The following ABCA1 variants were observed in gnomAD, a reference collection of about 807,000 sequenced individuals.
The protein encoded by ABCA1 is phospholipid-transporting ATPase ABCA1.
ABCA1 carries 133 observed loss-of-function variants against 262.5 expected under a neutral mutation model. That is an observed-to-expected ratio of 0.51 (90% CI 0.44 to 0.59). The LOEUF is 0.59. ABCA1 is among the 20% of genes least tolerant of loss of function. The pLI is 0.00. For missense variants in ABCA1, 2,452 were observed against 2,777.5 expected (o/e 0.88, Z 2.63); for synonymous variants, 1,022 against 1,043.5 (o/e 0.98, Z 0.40).
At chr9:104,790,528 T>C (rs1402532524) in intron 44 of ABCA1, among the ~76,000 whole-genome samples, 1 of 152,198 alleles carries the variant, frequency 6.6e-6, no homozygotes, top group African/African-American at 2.4e-5. Context: ...TACAGTATGA[T>C]CTCAATTGTA....
intron 5 of ABCA1, among the ~76,000 whole-genome samples, chr9:104,878,506 T>G (rs1285904626): frequency 6.6e-6 from 1 of 152,026 alleles, no homozygotes; most frequent in South Asian, 2.1e-4. Context: ...AGCAGGGGGG[T>G]TTAGCCGTGA....
intron 25 of ABCA1, among the ~76,000 whole-genome samples, chr9:104,815,289 C>T (rs1807895022): frequency 6.6e-6 from 1 of 152,230 alleles, no homozygotes; most frequent in Non-Finnish European, 1.5e-5. Context: ...GAAATACAGA[C>T]TTCAAGGCCT....
At position 104,831,745 on chromosome 9, in the gene ABCA1, T is replaced by C; in HGVS notation, c.1592A>G (p.Lys531Arg). Residue 531 changes from lysine to arginine, a missense_variant, in exon 13 of 50, where the codon AAG becomes AGG. By Grantham distance (26) the Lys-to-Arg change is conservative. This residue lies in a region of ABCA1 where 1,032 missense variants were observed against 1,089.7 expected (regional missense o/e 0.95). Transcript: ENST00000374736. ...AGTGAACACAATACCAGCCCAGAAC[T>C]TCCTCTCATCCAGCAGCTCCATGGA... ...NKSMELLDER[K>R]FWAGIVFTGI... 2 of 1,614,194 alleles carry C rather than the reference T, an allele frequency of 1.2e-6. No individual in the cohort carries two copies. Among genetic ancestry groups the C allele is most frequent in the Non-Finnish European group, 8.5e-7 (1 of 1,180,030 alleles).
chr9:104,901,267 C>G (rs1588552994), intron 2 of ABCA1, among the ~76,000 whole-genome samples: 1 of 152,202 alleles, frequency 6.6e-6, no homozygotes, highest in African/African-American at 2.4e-5. Flanking sequence ...AGGCTCGGCC[C>G]TAGTCCTGGG....
intron 8 of ABCA1, among the ~76,000 whole-genome samples, chr9:104,842,420 A>G (rs2119041535): frequency 6.6e-6 from 1 of 151,894 alleles, no homozygotes; most frequent in East Asian, 1.9e-4. Flanking sequence ...CCACCAACCC[A>G]CCACTCCCCA....
chr9:104,874,040 A>G (rs1837878962), intron 5 of ABCA1, among the ~76,000 whole-genome samples: 1 of 152,164 alleles, frequency 6.6e-6, no homozygotes, highest in Admixed American at 6.5e-5. Context: ...CTATCTTGCC[A>G]TGTCACCAAA....
In ABCA1 at chr9:104,832,751, G is replaced by T. The variant is rs141524140; in HGVS notation, c.1332C>A (p.Asp444Glu). ...DLVRMLLDSR[D>E]NDHFWEQQLD... The stretch of plus-strand genomic sequence containing the variant: ...ACTGCTGTTCCCAAAAGTGGTCATT[G>T]TCCCTGCTGTCCAACAGCATCTGCC... The change falls in exon 12 of 50, where the codon GAC becomes GAA. Residue 444 changes from aspartate (D) to glutamate (E), a missense_variant. Transcript: ENST00000374736. 3 of 1,614,194 alleles carry T rather than the reference G, an allele frequency of 1.9e-6. No homozygotes were observed. The highest frequency in any genetic ancestry group is 2.7e-5 in the African/African-American group (2 of 75,034).
rs1836693014 is a variant in ABCA1, at chr9:104,862,686, G to GGCAGGGCAGC, written c.422-887_422-886insGCTGCCCTGC. Among the ~76,000 whole-genome samples the GGCAGGGCAGC allele has an allele frequency of 4.2e-3, 6 of 1,426 alleles. 2 individuals are homozygous for GGCAGGGCAGC. Among genetic ancestry groups the GGCAGGGCAGC allele is most frequent in the African/African-American group, 1.0e-2 (6 of 602 alleles). 0.9% of individuals were successfully genotyped at this position (1,426 alleles called of 152,430 possible). A position where few individuals can be genotyped will look rare whatever the true frequency, so the allele number is the denominator to read the frequency against. On this transcript the variant is annotated intron_variant, in intron 5 of 49. Transcript: ENST00000374736. ...GGCCGGGCCGGGCCGGGCCGGGCCG[G>GGCAGGGCAGC]GCCGGGCCGGGCCGGCCCCCACCCC...
At chr9:104,898,857 T>A (rs2118402025) in intron 2 of ABCA1, among the ~76,000 whole-genome samples, 1 of 152,294 alleles carries the variant, frequency 6.6e-6, no homozygotes, top group Non-Finnish European at 1.5e-5. Context: ...TCAATCTAAA[T>A]GAAATCCCTA....
chr9:104,819,243 C>T (rs1427895407), intron 22 of ABCA1, among the ~76,000 whole-genome samples: 1 of 152,208 alleles, frequency 6.6e-6, no homozygotes, highest in Non-Finnish European at 1.5e-5. Context: ...CAGGGCCAGC[C>T]AGAGTTGGCT....
chr9:104,857,686 C>G (rs1835963894), intron 7 of ABCA1, among the ~76,000 whole-genome samples: 1 of 151,936 alleles, frequency 6.6e-6, no homozygotes, highest in Non-Finnish European at 1.5e-5. Context: ...TCGTGCTGCA[C>G]AAAATCCAAG....
intron 7 of ABCA1, among the ~76,000 whole-genome samples, chr9:104,856,399 C>T (rs186785055): frequency 6.6e-6 from 1 of 152,210 alleles, no homozygotes; most frequent in African/African-American, 2.4e-5. Flanking sequence ...CAGAAAGCAC[C>T]TGGTAGTAGC....
At chr9:104,897,709 T>C (rs1265273068) in intron 2 of ABCA1, among the ~76,000 whole-genome samples, 1 of 152,210 alleles carries the variant, frequency 6.6e-6, no homozygotes, top group East Asian at 1.9e-4. Flanking sequence ...TTCAAGCAAA[T>C]TCTCCTGCCT....
chr9:104,872,198 T>C (rs1173925372), intron 5 of ABCA1, among the ~76,000 whole-genome samples: 1 of 152,212 alleles, frequency 6.6e-6, no homozygotes, highest in Non-Finnish European at 1.5e-5. Flanking sequence ...AACGTATTAT[T>C]ATTCCCATTT....
chr9:104,879,418 G>A (rs968762105), intron 5 of ABCA1, among the ~76,000 whole-genome samples: 3 of 152,180 alleles, frequency 2.0e-5, no homozygotes, highest in African/African-American at 7.2e-5. Flanking sequence ...TCAAGTCTTT[G>A]TCCCACAGTT....
rs1588237668 is a variant in ABCA1 at position 104,802,059 on chromosome 9, C to T, written c.4693G>A (p.Ala1565Thr). Residue 1565 changes from alanine (A) to threonine (T), a missense_variant, in exon 34 of 50, where the codon GCC (alanine) becomes ACC (threonine). Ala to Thr is a moderately conservative substitution (Grantham distance 58). Around this residue, in one of 4 missense-constraint regions of ABCA1, gnomAD observed 752 missense variants for 944.5 expected, o/e 0.80. Transcript: ENST00000374736. ...IKQMKKHLKLAKDSSADRFLN... is the reference protein window; with the variant it reads ...IKQMKKHLKLTKDSSADRFLN... ...TCTTACGATAGATATTTTACCTTGG[C>T]CAGCTTTAGGTGTTTCTTCATTTGT... 6.2e-7 allele frequency: 1 copy of T among 1,614,050 alleles called. No homozygotes were observed. Among genetic ancestry groups the T allele is most frequent in the Non-Finnish European group, 8.5e-7 (1 of 1,179,968 alleles).
intron 46 of ABCA1, among the ~76,000 whole-genome samples, chr9:104,787,258 G>T (rs908977695): frequency 6.6e-6 from 1 of 152,054 alleles, no homozygotes; most frequent in East Asian, 1.9e-4. Context: ...CCATTTAGTT[G>T]TAATTATCTT....
chr9:104,882,977 CTCTT>C, intron 5 of ABCA1, 58 bp downstream of exon 5: 1 of 1,415,236 alleles, frequency 7.1e-7, no homozygotes, highest in South Asian at 1.1e-5. Context: ...CTGGGCTACT[CTCTT>C]TCCCTGGTGC....
At chr9:104,892,938 A>G (rs139609748) in intron 2 of ABCA1, among the ~76,000 whole-genome samples, 441 of 152,378 alleles carry the variant, frequency 2.9e-3, no homozygotes, top group Middle Eastern at 0.01. Flanking sequence ...ACTCAACAAT[A>G]TATCATGCCA....
Sources: gnomAD v4.1 joint callset for allele counts (sites outside exome capture counted in the v4.1 genomes callset) on GRCh38, gnomAD v4.1.1 for gene constraint, gnomAD v4.1.1 regional missense constraint, MANE v1.5 for transcripts, NCBI Gene and HGNC (gene_info 2026-07-23, HGNC 2026-07-21) for gene names.